The following AGAP1 variants were observed in gnomAD, a reference collection of about 807,000 sequenced individuals.
The protein encoded by AGAP1 is arf-GAP with GTPase, ANK repeat and PH domain-containing protein 1.
In AGAP1, 29 loss-of-function variants were observed where a neutral mutation model predicts 105.3. The ratio of observed to expected loss-of-function variants is 0.28; its 90% CI spans 0.21 to 0.38. The LOEUF is 0.38. AGAP1 is among the 10% of genes least tolerant of loss of function. AGAP1 has a pLI of 1.00. For missense variants in AGAP1, 998 were observed against 1,165.1 expected, an observed-to-expected ratio of 0.86 and a Z score of 2.09; for synonymous variants, 509 against 485.9, an observed-to-expected ratio of 1.05 and a Z score of -0.63.
chr2:235,945,950 A>G (rs917773558), intron 12 of AGAP1, among the ~76,000 whole-genome samples: 1 of 151,974 alleles, frequency 6.6e-6, no homozygotes, highest in Non-Finnish European at 1.5e-5. Flanking sequence ...ACCAGATCTC[A>G]TGAGACCAAC....
chr2:236,024,587 C>T (rs2056993004), intron 13 of AGAP1, among the ~76,000 whole-genome samples: 1 of 152,144 alleles, frequency 6.6e-6, no homozygotes, highest in Non-Finnish European at 1.5e-5. Flanking sequence ...CCCTTTAACC[C>T]TTTGTCTGCT....
At chr2:235,657,903 C>T (rs1029311987) in intron 1 of AGAP1, among the ~76,000 whole-genome samples, 4 of 152,152 alleles carry the variant, frequency 2.6e-5, no homozygotes, top group Non-Finnish European at 5.9e-5. Flanking sequence ...AAGACGCAGA[C>T]ACACAGAGGA....
At chr2:235,499,382 G>A (rs1050098599) in intron 1 of AGAP1, among the ~76,000 whole-genome samples, 2 of 152,230 alleles carry the variant, frequency 1.3e-5, no homozygotes, top group African/African-American at 2.4e-5. Context: ...TGATGCAGGT[G>A]TGCATGTTTA....
chr2:235,783,978 A>G (rs1471371867), intron 6 of AGAP1, among the ~76,000 whole-genome samples: 1 of 147,916 alleles, frequency 6.8e-6, no homozygotes, highest in African/African-American at 2.4e-5. Flanking sequence ...GGACGGACGG[A>G]CGGATGGACG....
In AGAP1 at chr2:235,716,501, C is replaced by T. The variant is rs569630353; in HGVS notation, c.223-1056C>T. ...GTCAACAAGTGGAACCGAGAGCAAG[C>T]GGGGTGAGTCCCAGCTCAGGGAATG... On this transcript the variant is annotated intron_variant, in intron 2 of 17. Coordinates refer to ENST00000304032, the MANE Select transcript of AGAP1 (RefSeq NM_001037131.3). This position sits in a 1 kb window ranked among gnomAD's most constrained non-coding sequence, Gnocchi z 4.0. Among the ~76,000 whole-genome samples, 80 of 152,158 alleles carry T rather than the reference C, an allele frequency of 5.3e-4. 1 individual carries two copies. Among genetic ancestry groups the T allele is most frequent in the African/African-American group, 1.9e-3 (77 of 41,508 alleles).
chr2:235,954,360 T>C (rs1342996368), intron 12 of AGAP1, among the ~76,000 whole-genome samples: 1 of 151,934 alleles, frequency 6.6e-6, no homozygotes, highest in Non-Finnish European at 1.5e-5. Flanking sequence ...GAAGAGAGGC[T>C]GCCTCCTGTG....
At chr2:236,059,495 C>T (rs575605025) in intron 16 of AGAP1, among the ~76,000 whole-genome samples, 3 of 152,090 alleles carry the variant, frequency 2.0e-5, no homozygotes, top group East Asian at 1.9e-4. Context: ...AGTAAGAGAC[C>T]GTCAAATATC....
chr2:235,564,136 A>AC (rs1384248561), intron 1 of AGAP1, among the ~76,000 whole-genome samples: 1 of 152,116 alleles, frequency 6.6e-6, no homozygotes, highest in African/African-American at 2.4e-5. Context: ...AGTCCACACA[A>AC]CCTTTTAAAA....
intron 1 of AGAP1, among the ~76,000 whole-genome samples, chr2:235,497,246 G>C (rs893189601): frequency 6.6e-6 from 1 of 152,142 alleles, no homozygotes; most frequent in South Asian, 2.1e-4. Context: ...TGAACCAAGG[G>C]ATCATTTGAA....
chr2:235,750,788 A>T lies in AGAP1; in HGVS notation c.673+300A>T, dbSNP rs541763253. ...ACATTTCTTGAGCTGTTACTCATCC[A>T]TGTGCTCTGTAAAACTTGTTTGTGA... is the stretch of plus-strand genomic sequence containing the variant. On this transcript the variant is annotated intron_variant, in intron 6 of 17. Coordinates refer to ENST00000304032, the MANE Select transcript of AGAP1 (RefSeq NM_001037131.3). This position sits in a 1 kb window ranked among gnomAD's most constrained non-coding sequence, Gnocchi z 5.3. Among the ~76,000 whole-genome samples the T allele has an allele frequency of 3.3e-5, 5 of 152,256 alleles. No homozygotes were observed. In the South Asian group the frequency reaches 1.0e-3, roughly 32 times the overall value.
chr2:236,047,630 C>T (rs1180003614), intron 15 of AGAP1, among the ~76,000 whole-genome samples: 5 of 93,452 alleles, frequency 5.4e-5, no homozygotes, highest in Non-Finnish European at 5.8e-5. Flanking sequence ...TGAGGAGTCT[C>T]GTTCTGTCAC....
At chr2:235,584,313 T>G (rs989784733) in intron 1 of AGAP1, among the ~76,000 whole-genome samples, 3 of 151,322 alleles carry the variant, frequency 2.0e-5, no homozygotes, top group African/African-American at 7.3e-5. Flanking sequence ...AGTTCTGCAC[T>G]CTTTGTTCTT....
chr2:236,129,012 TC>T lies in AGAP1; in HGVS notation c.*4892del, dbSNP rs1300483706. 1 of 152,228 alleles carries T rather than the reference TC, an allele frequency of 6.6e-6. No homozygotes were observed. Among genetic ancestry groups the T allele is most frequent in the Non-Finnish European group, 1.5e-5 (1 of 68,050 alleles). The allele number at this position is 152,228 out of a possible 1,614,324, so 9.4% of individuals were successfully genotyped here. On this transcript the variant is annotated 3_prime_UTR_variant, in exon 18 of 18. Coordinates refer to ENST00000304032, the MANE Select transcript of AGAP1 (RefSeq NM_001037131.3). This position sits in a 1 kb window ranked among gnomAD's most constrained non-coding sequence, Gnocchi z 6.2. ...TCCTTCAAAGGAAATGTAATTTATT[TC>T]CAACCGCTGCCTCAGACGGGGGTTT... is the stretch of plus-strand genomic sequence containing the variant.
rs1055218976 is a variant in AGAP1, at chr2:236,027,956, C to T, written c.1646-8605C>T. 3.9e-5 allele frequency among the ~76,000 whole-genome samples: 6 copies of T among 152,114 alleles called. No homozygotes were observed. The highest frequency in any genetic ancestry group is 5.9e-5 in the Non-Finnish European group (4 of 68,022). On this transcript the variant is annotated intron_variant, in intron 13 of 17. Transcript: ENST00000304032. This position sits in a 1 kb window ranked among gnomAD's most constrained non-coding sequence, Gnocchi z 4.4. ...ACAGAGCTGTTGGTCCCGGGGATTG[C>T]GATTCGTGTCTTTATTTCTTCATTA... is the stretch of plus-strand genomic sequence containing the variant.
At chr2:236,063,523 G>A (rs1402421465) in intron 16 of AGAP1, among the ~76,000 whole-genome samples, 1 of 152,224 alleles carries the variant, frequency 6.6e-6, no homozygotes. Flanking sequence ...GGTAATTCCA[G>A]TTGTAAAATC....
chr2:235,763,346 A>T (rs1256007561), intron 6 of AGAP1, among the ~76,000 whole-genome samples: 1 of 152,168 alleles, frequency 6.6e-6, no homozygotes, highest in Admixed American at 6.5e-5. Context: ...CATTTTGGAC[A>T]AGAGATCCGC....
intron 6 of AGAP1, among the ~76,000 whole-genome samples, chr2:235,765,877 C>T (rs913704654): frequency 1.3e-5 from 2 of 152,182 alleles, no homozygotes; most frequent in Admixed American, 6.5e-5. Flanking sequence ...ATGAAAAGTC[C>T]AAGGTAGTGC....
intron 13 of AGAP1, among the ~76,000 whole-genome samples, chr2:236,015,747 G>A (rs747708535): frequency 1.3e-5 from 2 of 152,092 alleles, no homozygotes; most frequent in African/African-American, 2.4e-5. Flanking sequence ...CAAGCCAAAT[G>A]GGTCAAGTAA....
At chr2:235,831,193 A>AAAAAC (rs1388619219) in intron 9 of AGAP1, among the ~76,000 whole-genome samples, 1 of 151,874 alleles carries the variant, frequency 6.6e-6, no homozygotes, top group African/African-American at 2.4e-5. Flanking sequence ...TTAAAAAAAA[A>AAAAAC]AAAAAAAAAC....
Sources: allele counts gnomAD v4.1 joint callset (sites outside exome capture counted in the v4.1 genomes callset), GRCh38; gene constraint gnomAD v4.1.1; non-coding constraint Gnocchi (gnomAD v3.1); transcripts MANE v1.5; gene names NCBI Gene and HGNC (gene_info 2026-07-23, HGNC 2026-07-21).